Variants in WWP1 observed in about 807,000 individuals in gnomAD.
The protein encoded by WWP1 is NEDD4-like E3 ubiquitin-protein ligase WWP1.
A neutral mutation model predicts 130.6 loss-of-function variants in WWP1; 49 were observed. The ratio of observed to expected loss-of-function variants is 0.38; its 90% CI spans 0.30 to 0.48. WWP1 has a LOEUF of 0.48. Ranked by LOEUF, WWP1 falls within the 20% of genes least tolerant of loss-of-function variation. The pLI is 0.99. For synonymous variants in WWP1, 332 were observed against 367.8 expected (o/e 0.90, Z 1.11); for missense variants, 809 against 1,100.6 (o/e 0.74, Z 3.75).
At position 86,435,521 on chromosome 8, in the gene WWP1, G is replaced by A. The variant is rs201830760; in HGVS notation, c.1671G>A (p.Leu557=). ...FRWKLAHFRY[L]CQSNALPSHV... ...GGAAGCTTGCTCACTTCCGTTATTT[G>A]TGCCAGGTACTATAGTGGTAAATAA... Residue 557 remains leucine, a synonymous_variant, in exon 15 of 25, where the codon TTG becomes TTA. Coordinates refer to ENST00000517970, the MANE Select transcript of WWP1 (RefSeq NM_007013.4). The A allele has an allele frequency of 1.2e-5, 19 of 1,614,094 alleles. No individual in the cohort carries two copies. The East Asian group carries it at 3.8e-4, about 32-fold the overall frequency.
intron 21 of WWP1, among the ~76,000 whole-genome samples, chr8:86,456,364 T>C (rs930916885): frequency 2.6e-5 from 4 of 151,918 alleles, no homozygotes; most frequent in African/African-American, 9.7e-5. Context: ...AGATCTTATA[T>C]CTGGAATATA....
At chr8:86,348,553 G>A (rs565775917) in intron 1 of WWP1, among the ~76,000 whole-genome samples, 2 of 152,298 alleles carry the variant, frequency 1.3e-5, no homozygotes, top group South Asian at 4.1e-4. Flanking sequence ...TTCACTCACA[G>A]CACATACTGG....
chr8:86,449,805 A>G (rs1257312355), intron 20 of WWP1, among the ~76,000 whole-genome samples: 3 of 152,206 alleles, frequency 2.0e-5, no homozygotes, highest in Admixed American at 2.0e-4. Context: ...GGATTGGATT[A>G]TACACATTAC....
chr8:86,379,633 T>C (rs553624934), intron 3 of WWP1, among the ~76,000 whole-genome samples: 9 of 152,332 alleles, frequency 5.9e-5, no homozygotes, highest in Admixed American at 2.0e-4. Context: ...CTCAGGTATA[T>C]TAGATTTTCA....
At chr8:86,372,981 G>C (rs376823750) in intron 2 of WWP1, among the ~76,000 whole-genome samples, 8 of 151,058 alleles carry the variant, frequency 5.3e-5, no homozygotes, top group African/African-American at 1.9e-4. Flanking sequence ...TCCTTTCCTA[G>C]TATGTCTTTA....
At chr8:86,424,835 A>G (rs1253784504) in intron 9 of WWP1, among the ~76,000 whole-genome samples, 57 of 4,514 alleles carry the variant, frequency 0.013, no homozygotes, top group Non-Finnish European at 0.02. Context: ...AGGGAGAGGG[A>G]GGGGGAGGGG....
At chr8:86,397,915 T>C (rs534590679) in intron 5 of WWP1, among the ~76,000 whole-genome samples, 3 of 152,312 alleles carry the variant, frequency 2.0e-5, no homozygotes, top group South Asian at 4.1e-4. Flanking sequence ...GTCTCCATTT[T>C]GTAATTAAGA....
intron 8 of WWP1, 77 bp downstream of exon 8, chr8:86,402,280 C>A: frequency 3.4e-6 from 5 of 1,475,594 alleles, no homozygotes; most frequent in African/African-American, 1.4e-5. Flanking sequence ...GCCTACACTT[C>A]CCTTTTTGTG....
chr8:86,445,976 C>CTTTTTTTTTTTTTTTTTTTTT (rs56731329), intron 18 of WWP1, among the ~76,000 whole-genome samples: 4 of 84,962 alleles, frequency 4.7e-5, no homozygotes, highest in East Asian at 3.7e-4. Flanking sequence ...CTTTTCTTTT[C>CTTTTTTTTTTTTTTTTTTTTT]TTTTTTTTTT....
chr8:86,359,866 A>C (rs977402701), intron 1 of WWP1, among the ~76,000 whole-genome samples: 8 of 151,934 alleles, frequency 5.3e-5, no homozygotes, highest in Non-Finnish European at 1.5e-5. Context: ...TGGCTAACAA[A>C]GTGAAACCCC....
At chr8:86,451,359 A>G (rs1015869575) in intron 20 of WWP1, among the ~76,000 whole-genome samples, 4 of 151,204 alleles carry the variant, frequency 2.6e-5, no homozygotes, top group Admixed American at 6.6e-5. Flanking sequence ...ATTAGTGGCT[A>G]TAGTGGCGCC....
intron 5 of WWP1, among the ~76,000 whole-genome samples, chr8:86,389,751 A>C (rs1361051161): frequency 1.7e-4 from 20 of 116,122 alleles, no homozygotes; most frequent in Admixed American, 7.5e-4. Flanking sequence ...GCGCCCCCCC[A>C]CCCACCTCCC....
Position 86,451,214 on chromosome 8 carries a change from T to TAAAAAAAAAAAAAA in WWP1, c.2274-1319_2274-1306dup, listed in dbSNP as rs61141803. ...GCAACCGAGTGAGACCCTATGTTAT[T>TAAAAAAAAAAAAAA]AAAAAAAAAAAAAAAAAAAAAAAAA... On this transcript the variant is annotated intron_variant, in intron 20 of 24. Transcript: ENST00000517970. Among the ~76,000 whole-genome samples, 65 of 43,678 alleles carry TAAAAAAAAAAAAAA rather than the reference T, an allele frequency of 1.5e-3. 7 individuals carry two copies. The highest frequency in any genetic ancestry group is 2.3e-3 in the Non-Finnish European group (54 of 23,622). The allele number at this position is 43,678 out of a possible 152,430, so 28.7% of individuals were successfully genotyped here. A position where few individuals can be genotyped will look rare whatever the true frequency, so the allele number is the denominator to read the frequency against.
At chr8:86,382,672 C>T (rs981995915) in intron 5 of WWP1, among the ~76,000 whole-genome samples, 3 of 152,162 alleles carry the variant, frequency 2.0e-5, no homozygotes, top group Admixed American at 6.5e-5. Context: ...GCACTCCCAG[C>T]CTGGGCGACA....
chr8:86,452,074 C>T (rs2130756242), intron 20 of WWP1, among the ~76,000 whole-genome samples: 1 of 152,240 alleles, frequency 6.6e-6, no homozygotes, highest in Non-Finnish European at 1.5e-5. Flanking sequence ...ATGGTCATTA[C>T]ATACTGAGAC....
chr8:86,419,250 T>C (rs1809061679), intron 9 of WWP1, among the ~76,000 whole-genome samples: 1 of 152,114 alleles, frequency 6.6e-6, no homozygotes, highest in Non-Finnish European at 1.5e-5. Flanking sequence ...AAACCCTGTC[T>C]CTACTAAAAA....
chr8:86,409,179 T>C (rs1182349880), intron 8 of WWP1, among the ~76,000 whole-genome samples: 1 of 151,732 alleles, frequency 6.6e-6, no homozygotes, highest in Non-Finnish European at 1.5e-5. Flanking sequence ...AATTGTGATC[T>C]TCCTTGTTTT....
intron 11 of WWP1, among the ~76,000 whole-genome samples, chr8:86,428,849 T>A (rs1809776557): frequency 6.6e-6 from 1 of 152,176 alleles, no homozygotes; most frequent in South Asian, 2.1e-4. Context: ...GTAATACATA[T>A]AGCTTTGTTT....
chr8:86,423,905 C>A (rs1809403899), intron 9 of WWP1, among the ~76,000 whole-genome samples: 1 of 136,964 alleles, frequency 7.3e-6, no homozygotes, highest in African/African-American at 2.8e-5. Flanking sequence ...GGGGCTGCCC[C>A]CCACCTCCCT....
Sources: allele counts gnomAD v4.1 joint callset (sites outside exome capture counted in the v4.1 genomes callset), GRCh38; gene constraint gnomAD v4.1.1; transcripts MANE v1.5; gene names NCBI Gene and HGNC (gene_info 2026-07-23, HGNC 2026-07-21).